MREG: variants seen among roughly 807,000 people sequenced by gnomAD.
The protein encoded by MREG is melanoregulin, also known as dilute suppressor protein homolog.
A neutral mutation model predicts 28.5 loss-of-function variants in MREG; 31 were observed. The observed-to-expected ratio is 1.09, with a 90% CI of 0.82 to 1.47. The LOEUF (loss-of-function observed/expected upper bound fraction) is 1.47. MREG is among the 40% of genes most tolerant of loss of function. The pLI is 0.00. For synonymous variants in MREG, 106 were observed against 95.2 expected (o/e 1.11, Z -0.66); for missense variants, 256 against 257.4 (o/e 0.99, Z 0.04).
At chr2:215,941,319 G>A (rs1292360662), downstream of MREG, among the ~76,000 whole-genome samples, 2 of 152,200 alleles carry the variant, frequency 1.3e-5, no homozygotes, top group Non-Finnish European at 2.9e-5. Flanking sequence ...GTAGTCGACA[G>A]GCAGACTACC....
chr2:216,025,358 G>A (rs1474526786), intron 1 of MREG, among the ~76,000 whole-genome samples: 1 of 152,192 alleles, frequency 6.6e-6, no homozygotes, highest in Non-Finnish European at 1.5e-5. Flanking sequence ...TAGAGGAGGT[G>A]CAGACCTTCC....
intron 1 of MREG, among the ~76,000 whole-genome samples, chr2:216,027,122 C>T (rs1389260285): frequency 1.3e-5 from 2 of 152,048 alleles, no homozygotes; most frequent in East Asian, 3.9e-4. Context: ...GCAAAGACAC[C>T]CTCCAAACAA....
At chr2:215,991,604 C>T (rs1322831158) in intron 2 of MREG, among the ~76,000 whole-genome samples, 2 of 151,600 alleles carry the variant, frequency 1.3e-5, no homozygotes, top group African/African-American at 4.8e-5. Context: ...TCAATGAATC[C>T]AGGAGCTGGC....
At chr2:216,010,352 C>CTATTTTTTTTTTT (rs1332869944) in intron 1 of MREG, among the ~76,000 whole-genome samples, 7 of 75,630 alleles carry the variant, frequency 9.3e-5, no homozygotes, top group African/African-American at 3.4e-4. Flanking sequence ...GAAAAGATTT[C>CTATTTTTTTTTTT]TCTTTTTTTT....
chr2:216,001,629 TAAAC>T (rs1421862960), intron 1 of MREG, among the ~76,000 whole-genome samples: 5 of 152,248 alleles, frequency 3.3e-5, no homozygotes, highest in South Asian at 2.1e-4. Flanking sequence ...GTTAAATAAA[TAAAC>T]AAAGAACTTT....
intron 1 of MREG, among the ~76,000 whole-genome samples, chr2:216,031,145 G>A (rs1479446540): frequency 2.6e-5 from 4 of 152,056 alleles, no homozygotes; most frequent in African/African-American, 7.2e-5. Flanking sequence ...GGTGGTTCAC[G>A]CCTATAATCC....
At chr2:216,026,386 G>A (rs1476846926) in intron 1 of MREG, among the ~76,000 whole-genome samples, 2 of 151,150 alleles carry the variant, frequency 1.3e-5, no homozygotes, top group Non-Finnish European at 2.9e-5. Flanking sequence ...TATTTTTGGA[G>A]ACAGTGTCTC....
intron 2 of MREG, among the ~76,000 whole-genome samples, chr2:215,966,375 T>A (rs934152): frequency 0.88 from 133,912 of 152,032 alleles, 59,064 homozygotes; most frequent in Non-Finnish European, 0.91. Context: ...CCTACCCCAG[T>A]TCTTCTCAAA....
chr2:216,025,207 C>T (rs1215544533), intron 1 of MREG, among the ~76,000 whole-genome samples: 3 of 152,112 alleles, frequency 2.0e-5, no homozygotes, highest in African/African-American at 7.2e-5. Context: ...TTAATAAAGG[C>T]AAAATCCTTA....
chr2:215,958,389 T>C (rs1392376976), intron 2 of MREG, among the ~76,000 whole-genome samples: 2 of 152,196 alleles, frequency 1.3e-5, no homozygotes, highest in Non-Finnish European at 2.9e-5. Flanking sequence ...GATGGGCCTC[T>C]TCCTCCCAGA....
rs1247949225 is a variant in MREG, at chr2:215,989,759, C to G, written c.255+6547G>C. Reference sequence around the variant, plus strand: ...AACTTCATGAAGCATTCGCAAGTATCAATAGCCAAATCGATCAAGCAGAAG... The same window carrying G: ...AACTTCATGAAGCATTCGCAAGTATGAATAGCCAAATCGATCAAGCAGAAG... On this transcript the variant is annotated intron_variant, in intron 2 of 4. Transcript: ENST00000263268. 2.0e-5 allele frequency among the ~76,000 whole-genome samples: 3 copies of G among 151,544 alleles called. No homozygotes were observed. The East Asian group carries it at 5.8e-4, about 29-fold the overall frequency.
rs142982840 is a variant in MREG at position 216,011,632 on chromosome 2, C to T, written c.95+1601G>A. 1.1e-3 allele frequency among the ~76,000 whole-genome samples: 171 copies of T among 152,330 alleles called. 1 individual carries two copies. The East Asian group carries it at 0.015, about 13-fold the overall frequency. ...CTGATTCACAAGCCCTATGCTACTC[C>T]GCTCCAATTGACCCTGGGGCTTCTT... On this transcript the variant is annotated intron_variant, in intron 1 of 4. Coordinates refer to ENST00000263268, the MANE Select transcript of MREG (RefSeq NM_018000.3).
At chr2:216,010,912 C>T (rs1224570562) in intron 1 of MREG, among the ~76,000 whole-genome samples, 1 of 150,638 alleles carries the variant, frequency 6.6e-6, no homozygotes, top group African/African-American at 2.4e-5. Context: ...CTGGATAACA[C>T]GGTGAAACCC....
intron 2 of MREG, among the ~76,000 whole-genome samples, chr2:215,980,750 T>C (rs1285787041): frequency 6.6e-6 from 1 of 151,444 alleles, no homozygotes; most frequent in Non-Finnish European, 1.5e-5. Context: ...AGGTGGAAGT[T>C]GCAGTGAGCA....
intron 2 of MREG, among the ~76,000 whole-genome samples, chr2:215,973,611 C>A (rs953109167): frequency 6.6e-6 from 1 of 152,218 alleles, no homozygotes; most frequent in African/African-American, 2.4e-5. Context: ...TCAACAAATT[C>A]AACTGCAGTA....
At chr2:215,999,951 C>G (rs3770556) in intron 1 of MREG, among the ~76,000 whole-genome samples, 119,622 of 152,128 alleles carry the variant, frequency 0.79, 47,441 homozygotes, top group African/African-American at 0.89. Context: ...AATGGTCTTA[C>G]GGGATTTGGA....
At chr2:216,013,180 C>A (rs1694358175) in intron 1 of MREG, 53 bp downstream of exon 1, 1 of 1,501,334 alleles carries the variant, frequency 6.7e-7, no homozygotes. Context: ...ACACTCTCGG[C>A]GCCCGGCTAC....
chr2:215,962,662 A>G (rs1160996999), intron 2 of MREG, among the ~76,000 whole-genome samples: 3 of 152,194 alleles, frequency 2.0e-5, no homozygotes, highest in South Asian at 4.1e-4. Context: ...CCAAATTTAG[A>G]CTGAACTCTG....
At position 215,996,331 on chromosome 2, in the gene MREG, C is replaced by T. The variant is rs572090838; in HGVS notation, c.230G>A (p.Arg77His). The change falls in exon 2 of 5, where the codon CGT becomes CAT. Residue 77 changes from arginine to histidine, a missense_variant. Physicochemically the swap from Arg to His is conservative, Grantham distance 29. Coordinates refer to ENST00000263268, the MANE Select transcript of MREG (RefSeq NM_018000.3). ...CTCTGAGTCTTTGGCCTGCTGATTA[C>T]GAATGACTATCAAATTGTACAGGGT... The part of the protein sequence containing the change: ...DRTLYNLIVI[R>H]NQQAKDSEEW... The T allele has an allele frequency of 1.7e-5, 28 of 1,613,886 alleles. 1 individual carries two copies. The South Asian group carries it at 2.4e-4, about 14-fold the overall frequency.
Sources: allele counts gnomAD v4.1 joint callset (sites outside exome capture counted in the v4.1 genomes callset), GRCh38; gene constraint gnomAD v4.1.1; transcripts MANE v1.5; gene names NCBI Gene and HGNC (gene_info 2026-07-23, HGNC 2026-07-21).